The following ATRX variants were observed in gnomAD, a reference collection of about 807,000 sequenced individuals.
ATRX encodes chromatin remodeler ATRX.
Under a neutral mutation model 172.6 loss-of-function variants are expected in ATRX, and 12 were observed. The observed-to-expected ratio is 0.07, with a 90% CI of 0.04 to 0.11. The LOEUF is 0.11. ATRX is among the 10% of genes least tolerant of loss of function. The pLI is 1.00. For missense variants in ATRX, 1,368 were observed against 1,767.4 expected, an observed-to-expected ratio of 0.77 and a Z score of 4.05; for synonymous variants, 674 against 594.7, an observed-to-expected ratio of 1.13 and a Z score of -1.94.
intron 2 of ATRX, among the ~76,000 whole-genome samples, chrX:77,716,109 A>ATTTTTTTT (rs1557164558): frequency 1.5e-5 from 1 of 67,952 alleles, no homozygotes; most frequent in Non-Finnish European, 2.6e-5. Context: ...TGTCTCTAAA[A>ATTTTTTTT]ATTTTTTTTT....
At chrX:77,759,720 T>C (rs782006852) in intron 1 of ATRX, among the ~76,000 whole-genome samples, 1 of 109,225 alleles carries the variant, frequency 9.2e-6, no homozygotes, top group South Asian at 3.9e-4. Context: ...TCTCAAAAAA[T>C]AAAAATAAAA....
intron 1 of ATRX, among the ~76,000 whole-genome samples, chrX:77,755,445 A>C: frequency 8.9e-6 from 1 of 112,409 alleles, no homozygotes; most frequent in Non-Finnish European, 1.9e-5. Context: ...GCATTTTTGC[A>C]CTGGGTTTTC....
chrX:77,731,106 A>T (rs993394427), intron 1 of ATRX, among the ~76,000 whole-genome samples: 2 of 110,521 alleles, frequency 1.8e-5, no homozygotes. Context: ...AAAGAAAAAA[A>T]AAAGAAGATC....
chrX:77,667,542 A>G (rs1275268097), intron 10 of ATRX, among the ~76,000 whole-genome samples: 2 of 111,220 alleles, frequency 1.8e-5, no homozygotes, highest in Non-Finnish European at 3.8e-5. Context: ...TCTTTAAAAA[A>G]TTCCTATTAA....
intron 30 of ATRX, among the ~76,000 whole-genome samples, chrX:77,549,772 T>C (rs2064397493): frequency 8.9e-6 from 1 of 111,937 alleles, no homozygotes; most frequent in Admixed American, 9.5e-5. Context: ...GTCAAGGCTA[T>C]TATATTTCCA....
At chrX:77,604,417 C>T (rs782326420) in intron 22 of ATRX, among the ~76,000 whole-genome samples, 2 of 112,142 alleles carry the variant, frequency 1.8e-5, no homozygotes, top group Admixed American at 9.5e-5. Context: ...CACTAAACGT[C>T]AGAAAAATGC....
intron 1 of ATRX, among the ~76,000 whole-genome samples, chrX:77,754,919 G>A (rs2148889961): frequency 8.9e-6 from 1 of 111,831 alleles, no homozygotes; most frequent in East Asian, 2.8e-4. Flanking sequence ...ATAATACCCT[G>A]AAGTGTGTTT....
At chrX:77,783,888 T>C (rs1269138062) in intron 1 of ATRX, among the ~76,000 whole-genome samples, 1 of 112,143 alleles carries the variant, frequency 8.9e-6, no homozygotes, top group African/African-American at 3.2e-5. Flanking sequence ...TAGAGGTTTT[T>C]CATGTAGCTT....
chrX:77,710,081 C>A (rs2148722661), intron 2 of ATRX, among the ~76,000 whole-genome samples: 1 of 110,154 alleles, frequency 9.1e-6, no homozygotes, highest in African/African-American at 3.3e-5. Context: ...GGTGGATCAC[C>A]TGAGGTCAGG....
At chrX:77,529,242 A>G (rs2063492806) in intron 30 of ATRX, among the ~76,000 whole-genome samples, 1 of 111,946 alleles carries the variant, frequency 8.9e-6, no homozygotes, top group Admixed American at 9.5e-5. Flanking sequence ...TTAGGATATC[A>G]TCGAGGAGAA....
chrX:77,507,163 T>G lies in ATRX; in HGVS notation c.*1188A>C, dbSNP rs1471535889. On this transcript the variant is annotated 3_prime_UTR_variant, in exon 35 of 35. Transcript: ENST00000373344. Reference sequence around the variant, plus strand: ...ATTGGATGAATTAATTTTGATTTAATAATTGCCTCACAATCTAAACTAAAA... The same window carrying G: ...ATTGGATGAATTAATTTTGATTTAAGAATTGCCTCACAATCTAAACTAAAA... 1 of 169,176 alleles carries G rather than the reference T, an allele frequency of 5.9e-6. No homozygotes were observed. The highest frequency in any genetic ancestry group is 1.1e-5 in the Non-Finnish European group (1 of 89,451). The allele number at this position is 169,176 out of a possible 1,213,427, so 13.9% of individuals were successfully genotyped here.
At chrX:77,518,395 C>T (rs2063122161) in intron 34 of ATRX, among the ~76,000 whole-genome samples, 1 of 111,633 alleles carries the variant, frequency 9.0e-6, no homozygotes, top group Non-Finnish European at 1.9e-5. Context: ...AGAAAGTAAT[C>T]CCATTTACAG....
intron 30 of ATRX, among the ~76,000 whole-genome samples, chrX:77,531,637 T>C (rs2063578148): frequency 9.0e-6 from 1 of 111,685 alleles, no homozygotes; most frequent in African/African-American, 3.3e-5. Flanking sequence ...TATCTCAAAA[T>C]AATATGAGCA....
chrX:77,584,266 T>C (rs1391874169), intron 27 of ATRX, among the ~76,000 whole-genome samples: 1 of 111,512 alleles, frequency 9.0e-6, no homozygotes, highest in Non-Finnish European at 1.9e-5. Flanking sequence ...ACAGATTCAT[T>C]ACAATCTGTA....
chrX:77,668,393 T>C (rs1386040902), intron 10 of ATRX, among the ~76,000 whole-genome samples: 5 of 111,923 alleles, frequency 4.5e-5, no homozygotes, highest in East Asian at 2.8e-4. Flanking sequence ...GTTGATTCTG[T>C]TTGCTCTGAA....
chrX:77,533,919 C>T (rs1367830025), intron 30 of ATRX, among the ~76,000 whole-genome samples: 6 of 112,178 alleles, frequency 5.3e-5, no homozygotes, highest in Non-Finnish European at 1.1e-4. Flanking sequence ...TATAGTTATA[C>T]TTTATCATCT....
chrX:77,765,820 T>C (rs782360454), intron 1 of ATRX, among the ~76,000 whole-genome samples: 2,414 of 109,001 alleles, frequency 0.022, 70 homozygotes, highest in African/African-American at 0.077. Context: ...CTGGTTTTCC[T>C]AGGCAGAGGA....
At chrX:77,694,070 A>C (rs2072048612) in intron 5 of ATRX, 133 bp from the exon 6 acceptor site, 3 of 503,151 alleles carry the variant, frequency 6.0e-6, no homozygotes, top group Non-Finnish European at 1.0e-5. Context: ...TGGTGTAAGG[A>C]CCTCACAAAA....
At chrX:77,702,134 G>C in intron 2 of ATRX, among the ~76,000 whole-genome samples, 1 of 111,991 alleles carries the variant, frequency 8.9e-6, no homozygotes, top group Non-Finnish European at 1.9e-5. Context: ...AAGATCCTAA[G>C]GAATCCACTA....
Sources: gnomAD v4.1 joint callset for allele counts (sites outside exome capture counted in the v4.1 genomes callset) on GRCh38, gnomAD v4.1.1 for gene constraint, MANE v1.5 for transcripts, NCBI Gene and HGNC (gene_info 2026-07-23, HGNC 2026-07-21) for gene names.